The following RMI1 variants were observed in gnomAD, a reference collection of about 807,000 sequenced individuals.
RMI1 encodes the protein recQ-mediated genome instability protein 1.
Under a neutral mutation model 46.7 loss-of-function variants are expected in RMI1, and 36 were observed. The ratio of observed to expected loss-of-function variants is 0.77; its 90% CI spans 0.59 to 1.02. The LOEUF (loss-of-function observed/expected upper bound fraction) is 1.02, where lower values mean the gene tolerates loss of function less well. Among genes scored for constraint, RMI1 ranks in the 50% least tolerant of loss-of-function variants. The probability of loss-of-function intolerance (pLI) is 0.00; values close to 1 mark genes in which losing one functional copy is unlikely to be tolerated. For missense variants in RMI1, 676 were observed against 713.7 expected (o/e 0.95, Z 0.60); for synonymous variants, 250 against 252.9 (o/e 0.99, Z 0.11).
chr9:83,999,823 A>G (rs983929962), intron 2 of RMI1, 26 bp downstream of exon 2: 3 of 152,198 alleles, frequency 2.0e-5, no homozygotes, highest in African/African-American at 7.2e-5. Flanking sequence ...GACATAGTAA[A>G]ACTTTAATAT....
rs1957761337 is a variant in RMI1, at chr9:84,002,908, A to G, written c.*44A>G. 2.6e-6 allele frequency: 3 copies of G among 1,172,778 alleles called. No homozygotes were observed. Among genetic ancestry groups the G allele is most frequent in the Non-Finnish European group, 3.5e-6 (3 of 847,638 alleles). The allele number at this position is 1,172,778 out of a possible 1,614,324, so 72.6% of individuals were successfully genotyped here. A position where few individuals can be genotyped will look rare whatever the true frequency, so the allele number is the denominator to read the frequency against. On this transcript the variant is annotated 3_prime_UTR_variant, in exon 3 of 3. Transcript: ENST00000445877. The stretch of plus-strand genomic sequence containing the variant: ...AGGAACAATTAAAAACAACAAGGAA[A>G]TATTTAGAATTTGTTCACAATTTTA...
Position 83,985,588 on chromosome 9 carries a change from TC to T in RMI1, c.-126+4698del, listed in dbSNP as rs530600177. On this transcript the variant is annotated intron_variant, in intron 1 of 2. Transcript: ENST00000445877. ...GTCAGCTTCAGAAGTTGAGAGTGGT[TC>T]TTAGAGTTATTAATTAGGACTGACA... Among the ~76,000 whole-genome samples, 315 of 152,332 alleles carry T rather than the reference TC, an allele frequency of 2.1e-3. 1 individual carries two copies. Among genetic ancestry groups the T allele is most frequent in the Admixed American group, 6.3e-3 (97 of 15,304 alleles).
intron 1 of RMI1, among the ~76,000 whole-genome samples, chr9:83,990,745 T>G (rs190721568): frequency 6.6e-6 from 1 of 152,324 alleles, no homozygotes; most frequent in African/African-American, 2.4e-5. Context: ...TAGGTTATTA[T>G]GTATCAATAA....
chr9:83,998,159 TAA>T (rs1319627013), intron 1 of RMI1, among the ~76,000 whole-genome samples: 1 of 152,154 alleles, frequency 6.6e-6, no homozygotes, highest in East Asian at 1.9e-4. Context: ...GTTTCTTTGT[TAA>T]AGAGACCTGC....
At position 84,001,415 on chromosome 9, in the gene RMI1, C is replaced by A. The variant is rs755092660; in HGVS notation, c.429C>A (p.Ile143=). 1.9e-6 allele frequency: 3 copies of A among 1,614,028 alleles called. No homozygotes were observed. Among genetic ancestry groups the A allele is most frequent in the East Asian group, 4.5e-5 (2 of 44,866 alleles). The change falls in exon 3 of 3, where the codon ATC becomes ATA. Residue 143 remains isoleucine (I), a synonymous_variant. Transcript: ENST00000445877. ...RMLMLQLTDG[I]VQIQGMEYQP... is the part of the protein sequence containing the mutation. ...TGATGCTGCAGCTAACTGATGGAAT[C>A]GTACAAATACAGGGAATGGAATATC...
chr9:83,997,167 A>C (rs1957669710), intron 1 of RMI1, among the ~76,000 whole-genome samples: 1 of 136,978 alleles, frequency 7.3e-6, no homozygotes, highest in Non-Finnish European at 1.5e-5. Flanking sequence ...GCTGGAGTGC[A>C]ATGGCGCAAC....
Position 84,002,880 on chromosome 9 carries a change from A to G in RMI1, c.*16A>G. 1 of 1,325,298 alleles carries G rather than the reference A, an allele frequency of 7.5e-7. No individual in the cohort carries two copies. The highest frequency in any genetic ancestry group is 2.4e-5 in the East Asian group (1 of 42,520). The allele number at this position is 1,325,298 out of a possible 1,614,324, so 82.1% of individuals were successfully genotyped here. On this transcript the variant is annotated 3_prime_UTR_variant, in exon 3 of 3. Coordinates refer to ENST00000445877, the MANE Select transcript of RMI1 (RefSeq NM_001358291.2). ...AAATAAATAATTAAACTAAAATAGT[A>G]TTAGGAACAATTAAAAACAACAAGG...
Position 84,003,677 on chromosome 9 carries a change from T to C in RMI1, c.*813T>C, listed in dbSNP as rs1264855874. 1 of 166,398 alleles carries C rather than the reference T, an allele frequency of 6.0e-6. No individual in the cohort carries two copies. The highest frequency in any genetic ancestry group is 1.5e-5 in the Non-Finnish European group (1 of 68,112). The allele number at this position is 166,398 out of a possible 1,614,324, so 10.3% of individuals were successfully genotyped here. A position where few individuals can be genotyped will look rare whatever the true frequency, so the allele number is the denominator to read the frequency against. On this transcript the variant is annotated 3_prime_UTR_variant, in exon 3 of 3. Coordinates refer to ENST00000445877, the MANE Select transcript of RMI1 (RefSeq NM_001358291.2). ...TTTTTATTTTGCTGATTATAATATT[T>C]GGTATATTTAAGGTAATCTAGTTAA...
intron 1 of RMI1, among the ~76,000 whole-genome samples, chr9:83,983,720 A>T (rs1304512104): frequency 1.3e-5 from 2 of 152,000 alleles, no homozygotes; most frequent in Non-Finnish European, 2.9e-5. Context: ...TCTTTTGTTC[A>T]GTTCCTGGCA....
At chr9:83,991,560 C>T (rs576526431) in intron 1 of RMI1, among the ~76,000 whole-genome samples, 22 of 152,272 alleles carry the variant, frequency 1.4e-4, no homozygotes, top group Non-Finnish European at 2.6e-4. Context: ...TCAGGTGATG[C>T]TCCCACCTTG....
intron 1 of RMI1, among the ~76,000 whole-genome samples, chr9:83,998,848 T>C (rs1404836263): frequency 6.6e-6 from 1 of 152,048 alleles, no homozygotes; most frequent in African/African-American, 2.4e-5. Flanking sequence ...GGTCATTCAG[T>C]CTAAAATAAT....
At chr9:83,983,979 CT>C (rs971856073) in intron 1 of RMI1, among the ~76,000 whole-genome samples, 17 of 151,640 alleles carry the variant, frequency 1.1e-4, no homozygotes, top group Non-Finnish European at 1.9e-4. Flanking sequence ...ATGTATTTAA[CT>C]TTTTTTCCCA....
intron 1 of RMI1, among the ~76,000 whole-genome samples, chr9:83,985,989 A>G (rs1957484588): frequency 6.6e-6 from 1 of 152,206 alleles, no homozygotes; most frequent in Non-Finnish European, 1.5e-5. Flanking sequence ...AGCCTGGGCG[A>G]CAGAGCAAGA....
intron 1 of RMI1, among the ~76,000 whole-genome samples, chr9:83,998,101 T>C (rs1957685171): frequency 6.6e-6 from 1 of 152,190 alleles, no homozygotes; most frequent in Non-Finnish European, 1.5e-5. Context: ...CCAGCCAAGA[T>C]AGGAAGTATT....
chr9:84,001,496 T>C lies in RMI1; in HGVS notation c.510T>C (p.Tyr170=). Residue 170 remains tyrosine, a synonymous_variant, in exon 3 of 3, where the codon TAT becomes TAC. Coordinates refer to ENST00000445877, the MANE Select transcript of RMI1 (RefSeq NM_001358291.2). ...DLPPGTKILI[Y]GNISFRLGVL... is the part of the protein sequence containing the mutation. ...CTCCAGGTACAAAAATTTTGATTTA[T>C]GGAAATATATCTTTCCGTCTTGGTG... 1 of 1,614,022 alleles carries C rather than the reference T, an allele frequency of 6.2e-7. No homozygotes were observed. The highest frequency in any genetic ancestry group is 8.5e-7 in the Non-Finnish European group (1 of 1,179,996).
At position 84,002,642 on chromosome 9, in the gene RMI1, C is replaced by T; in HGVS notation, c.1656C>T (p.Ser552=). 6.2e-7 allele frequency: 1 copy of T among 1,613,860 alleles called. No homozygotes were observed. Among genetic ancestry groups the T allele is most frequent in the Admixed American group, 1.7e-5 (1 of 60,010 alleles). The change falls in exon 3 of 3, where the codon AGC becomes AGT. Residue 552 remains serine (S), a synonymous_variant. Coordinates refer to ENST00000445877, the MANE Select transcript of RMI1 (RefSeq NM_001358291.2). ...DVDFVDEILT[S]LIGFSVPEMK... is the part of the protein sequence containing the mutation. Reference sequence around the variant, plus strand: ...ACTTTGTGGATGAAATACTTACTAGCTTGATAGGGTTCTCAGTACCAGAAA... The same window carrying T: ...ACTTTGTGGATGAAATACTTACTAGTTTGATAGGGTTCTCAGTACCAGAAA...
intron 2 of RMI1, among the ~76,000 whole-genome samples, chr9:84,000,143 TAAAG>T (rs1957717209): frequency 2.6e-5 from 4 of 152,320 alleles, no homozygotes; most frequent in African/African-American, 9.6e-5. Context: ...TGCACATACA[TAAAG>T]AACATTAGTG....
At position 84,002,440 on chromosome 9, in the gene RMI1, A is replaced by T; in HGVS notation, c.1454A>T (p.Asp485Val). 6.2e-7 allele frequency: 1 copy of T among 1,613,848 alleles called. No homozygotes were observed. Among genetic ancestry groups the T allele is most frequent in the Non-Finnish European group, 8.5e-7 (1 of 1,179,922 alleles). ...AGCATTAATCTTTCTATTGCCATGG[A>T]TTTGTATTCTCCACCCTTTGTCTAT... Reference protein sequence around the residue: ...ENSINLSIAMDLYSPPFVYLS... With the variant: ...ENSINLSIAMVLYSPPFVYLS... The change falls in exon 3 of 3, where the codon GAT becomes GTT. Residue 485 changes from aspartate to valine, a missense_variant. By Grantham distance (152) the Asp-to-Val change is radical (BLOSUM62 -3). Transcript: ENST00000445877.
chr9:83,991,542 T>A (rs143329183), intron 1 of RMI1, among the ~76,000 whole-genome samples: 1 of 152,238 alleles, frequency 6.6e-6, no homozygotes, highest in African/African-American at 2.4e-5. Flanking sequence ...GCTCCTGAAC[T>A]TTTGTCCTCA....
Sources: allele counts gnomAD v4.1 joint callset (sites outside exome capture counted in the v4.1 genomes callset), GRCh38; gene constraint gnomAD v4.1.1; transcripts MANE v1.5; gene names NCBI Gene and HGNC (gene_info 2026-07-23, HGNC 2026-07-21).